SMTNL2: variants seen among roughly 807,000 people sequenced by gnomAD.
The protein encoded by SMTNL2 is smoothelin like 2, also known as smoothelin-like protein 2.
SMTNL2 carries 43 observed loss-of-function variants against 44.1 expected under a neutral mutation model. That is an observed-to-expected ratio of 0.98 (90% CI 0.76 to 1.26). SMTNL2 has a LOEUF of 1.26. Among genes scored for constraint, SMTNL2 ranks in the 50% most tolerant of loss-of-function variants. The pLI is 0.00. For missense variants in SMTNL2, 646 were observed against 670.2 expected, an observed-to-expected ratio of 0.96 and a Z score of 0.40; for synonymous variants, 317 against 287.6, an observed-to-expected ratio of 1.10 and a Z score of -1.03.
rs1217208578 is a variant in SMTNL2 at position 4,598,883 on chromosome 17, G to A, written c.1259+1560G>A. ...TTGGGTTAAAGGAGCCTCACCCCAG[G>A]CCTCACCTGCCTTCCTCATTCCTTT... On this transcript the variant is annotated intron_variant, in intron 7 of 7. Coordinates refer to ENST00000389313, the MANE Select transcript of SMTNL2 (RefSeq NM_001114974.2). The surrounding 1 kb of genome is among the most constrained non-coding windows in gnomAD (Gnocchi z 4.8). Among the ~76,000 whole-genome samples the A allele has an allele frequency of 6.6e-6, 1 of 150,658 alleles. No individual in the cohort carries two copies. The highest frequency in any genetic ancestry group is 6.6e-5 in the Admixed American group (1 of 15,126).
intron 6 of SMTNL2, 64 bp downstream of exon 6, chr17:4,597,041 C>T: frequency 6.7e-7 from 1 of 1,486,886 alleles, no homozygotes; most frequent in Non-Finnish European, 9.0e-7. Context: ...AAGCGTCGCC[C>T]CTGTCCTTGT....
Position 4,591,133 on chromosome 17 carries a change from C to G in SMTNL2, c.400-1228C>G, listed in dbSNP as rs959441370. 4.6e-5 allele frequency among the ~76,000 whole-genome samples: 7 copies of G among 152,218 alleles called. No individual in the cohort carries two copies. In the South Asian group the frequency reaches 1.0e-3, roughly 22 times the overall value. On this transcript the variant is annotated intron_variant, in intron 1 of 7. Coordinates refer to ENST00000389313, the MANE Select transcript of SMTNL2 (RefSeq NM_001114974.2). ...TCAGATGAAGCCTGTGTGAGGCATC[C>G]TTATCCTGACACGGCCCCCTCTGTT... is the stretch of plus-strand genomic sequence containing the variant.
chr17:4,584,730 TG>T lies in SMTNL2; in HGVS notation c.127del (p.Glu43SerfsTer35). 7.7e-7 allele frequency: 1 copy of T among 1,306,200 alleles called. No homozygotes were observed. The highest frequency in any genetic ancestry group is 9.7e-7 in the Non-Finnish European group (1 of 1,031,302). The allele number at this position is 1,306,200 out of a possible 1,614,324, so 80.9% of individuals were successfully genotyped here. On this transcript the variant is annotated frameshift_variant, in exon 1 of 8. Coordinates refer to ENST00000389313, the MANE Select transcript of SMTNL2 (RefSeq NM_001114974.2). LOFTEE classifies it high-confidence loss of function. ...HEDMRGLQRG[V>X]ERRVAEAMRL... ...GACATGCGGGGGCTGCAGCGCGGCG[TG>T]GAGCGGCGAGTGGCAGAGGCGATGC... is the stretch of plus-strand genomic sequence containing the variant.
chr17:4,607,627 C>G lies in SMTNL2; in HGVS notation c.*140C>G. 1.5e-6 allele frequency: 2 copies of G among 1,310,256 alleles called. No individual in the cohort carries two copies. The highest frequency in any genetic ancestry group is 2.1e-6 in the Non-Finnish European group (2 of 961,234). 81.2% of individuals were successfully genotyped at this position (1,310,256 alleles called of 1,614,324 possible). ...TTGTTCTGTGGCATGTGACGGCACT[C>G]CCCTTCGAGCCCAGCTGTGTTACTG... On this transcript the variant is annotated 3_prime_UTR_variant, in exon 8 of 8. Coordinates refer to ENST00000389313, the MANE Select transcript of SMTNL2 (RefSeq NM_001114974.2). The surrounding 1 kb of genome is among the most constrained non-coding windows in gnomAD (Gnocchi z 4.7).
intron 4 of SMTNL2, among the ~76,000 whole-genome samples, chr17:4,594,098 T>C (rs1183283138): frequency 1.3e-5 from 2 of 151,974 alleles, no homozygotes; most frequent in African/African-American, 4.8e-5. Flanking sequence ...GAGAGTTTCA[T>C]TTGGAGAAAT....
chr17:4,604,864 T>G (rs1451183791), intron 7 of SMTNL2, among the ~76,000 whole-genome samples: 1 of 151,392 alleles, frequency 6.6e-6, no homozygotes, highest in Non-Finnish European at 1.5e-5. Flanking sequence ...AGAGACAGGG[T>G]TTCACCATGT....
chr17:4,584,824 G>T lies in SMTNL2; in HGVS notation c.219G>T (p.Gln73His). Residue 73 changes from glutamine to histidine, a missense_variant, in exon 1 of 8, where the codon CAG becomes CAT. Transcript: ENST00000389313. ...GGGACAACCAGCGGCTGCAGGCGCA[G>T]CTCGAGCGCCTGACGCGCCAGGTGG... is the stretch of plus-strand genomic sequence containing the variant. ...LQRDNQRLQA[Q>H]LERLTRQVEA... The T allele has an allele frequency of 7.5e-7, 1 of 1,327,296 alleles. No homozygotes were observed. The allele number at this position is 1,327,296 out of a possible 1,614,324, so 82.2% of individuals were successfully genotyped here. A position where few individuals can be genotyped will look rare whatever the true frequency, so the allele number is the denominator to read the frequency against.
At chr17:4,584,474 C>T, upstream of SMTNL2, 2 of 1,061,352 alleles carry the variant, frequency 1.9e-6, no homozygotes, top group Non-Finnish European at 1.2e-6. Flanking sequence ...CCCGAGGCCC[C>T]GCCCCGCGCC....
intron 4 of SMTNL2, among the ~76,000 whole-genome samples, chr17:4,594,687 T>C (rs1597412920): frequency 6.8e-6 from 1 of 147,956 alleles, no homozygotes; most frequent in Admixed American, 6.8e-5. Context: ...TGATTGGGGA[T>C]GGGGGTAGGG....
intron 1 of SMTNL2, among the ~76,000 whole-genome samples, chr17:4,586,709 G>A (rs1043238341): frequency 6.6e-6 from 1 of 152,166 alleles, no homozygotes; most frequent in Non-Finnish European, 1.5e-5. Flanking sequence ...GGCTGGAGGT[G>A]GGTAACTTGA....
intron 7 of SMTNL2, among the ~76,000 whole-genome samples, chr17:4,602,730 T>C (rs548651640): frequency 2.0e-5 from 3 of 152,290 alleles, no homozygotes; most frequent in East Asian, 3.9e-4. Context: ...GAAGGTCTGC[T>C]GTGAGCTGTG....
Position 4,592,910 on chromosome 17 carries a change from T to G in SMTNL2, c.488-19T>G. ...GCTGCCACAGCTGACCACCCACCCA[T>G]GCTGGTCACATGTTCCAGGTCCAGG... On this transcript the variant is annotated intron_variant, in intron 2 of 7. Coordinates refer to ENST00000389313, the MANE Select transcript of SMTNL2 (RefSeq NM_001114974.2). The surrounding 1 kb of genome is among the most constrained non-coding windows in gnomAD (Gnocchi z 4.5). The G allele has an allele frequency of 6.2e-7, 1 of 1,600,942 alleles. No individual in the cohort carries two copies. Among genetic ancestry groups the G allele is most frequent in the South Asian group, 1.1e-5 (1 of 89,832 alleles).
chr17:4,604,938 C>T (rs981278513), intron 7 of SMTNL2, among the ~76,000 whole-genome samples: 1 of 151,730 alleles, frequency 6.6e-6, no homozygotes, highest in Non-Finnish European at 1.5e-5. Context: ...CCTAAAGTGC[C>T]GGGATTACAG....
Position 4,598,257 on chromosome 17 carries a change from T to C in SMTNL2, c.1259+934T>C, listed in dbSNP as rs1015692612. On this transcript the variant is annotated intron_variant, in intron 7 of 7. Coordinates refer to ENST00000389313, the MANE Select transcript of SMTNL2 (RefSeq NM_001114974.2). This position sits in a 1 kb window ranked among gnomAD's most constrained non-coding sequence, Gnocchi z 4.8. The stretch of plus-strand genomic sequence containing the variant: ...CCTGCCTCACGCCAGGGCCTCATGG[T>C]GACTGAACCCAATCTGAAGACAGAG... Among the ~76,000 whole-genome samples the C allele has an allele frequency of 1.4e-4, 22 of 152,092 alleles. No individual in the cohort carries two copies. The highest frequency in any genetic ancestry group is 5.1e-4 in the African/African-American group (21 of 41,424).
intron 7 of SMTNL2, among the ~76,000 whole-genome samples, chr17:4,605,980 A>G (rs1394147802): frequency 2.2e-4 from 34 of 152,152 alleles, no homozygotes; most frequent in Non-Finnish European, 2.8e-4. Flanking sequence ...CGAGGCCTTC[A>G]GCCTCCCTCT....
In SMTNL2 at chr17:4,595,009, C is replaced by A; in HGVS notation, c.807-136C>A. The stretch of plus-strand genomic sequence containing the variant: ...CTGTCAAACCAGCTAGGGACCGGAG[C>A]AAGGGGGCCTCTTCTCTGAGCGCCC... On this transcript the variant is annotated intron_variant, in intron 4 of 7. Coordinates refer to ENST00000389313, the MANE Select transcript of SMTNL2 (RefSeq NM_001114974.2). The surrounding 1 kb of genome is among the most constrained non-coding windows in gnomAD (Gnocchi z 5.1). 1 of 1,175,992 alleles carries A rather than the reference C, an allele frequency of 8.5e-7. No individual in the cohort carries two copies. The highest frequency in any genetic ancestry group is 1.2e-6 in the Non-Finnish European group (1 of 820,558). The allele number at this position is 1,175,992 out of a possible 1,614,324, so 72.8% of individuals were successfully genotyped here. A position where few individuals can be genotyped will look rare whatever the true frequency, so the allele number is the denominator to read the frequency against.
chr17:4,584,711 C>T lies in SMTNL2; in HGVS notation c.106C>T (p.Arg36Trp). 1 of 1,300,418 alleles carries T rather than the reference C, an allele frequency of 7.7e-7. No individual in the cohort carries two copies. Among genetic ancestry groups the T allele is most frequent in the South Asian group, 2.2e-5 (1 of 44,910 alleles). The allele number at this position is 1,300,418 out of a possible 1,614,324, so 80.6% of individuals were successfully genotyped here. The change falls in exon 1 of 8, where the codon CGG (arginine) becomes TGG (tryptophan). Residue 36 changes from arginine (R) to tryptophan (W), a missense_variant. By Grantham distance (101) the Arg-to-Trp change is moderately radical (BLOSUM62 -3). Transcript: ENST00000389313. ...GAVRALHEDM[R>W]GLQRGVERRV... ...GGTGCGCGCGCTGCACGAGGACATG[C>T]GGGGGCTGCAGCGCGGCGTGGAGCG...
intron 7 of SMTNL2, among the ~76,000 whole-genome samples, chr17:4,603,634 G>A (rs1910133026): frequency 6.6e-6 from 1 of 152,146 alleles, no homozygotes; most frequent in Non-Finnish European, 1.5e-5. Flanking sequence ...TACTTAACAT[G>A]TGGCACCACT....
chr17:4,597,113 T>G, intron 6 of SMTNL2, 59 bp from the exon 7 acceptor site: 1 of 1,580,376 alleles, frequency 6.3e-7, no homozygotes, highest in Non-Finnish European at 8.6e-7. Flanking sequence ...ACGGTAATTA[T>G]GCCTTCCGAG....
Sources: allele counts gnomAD v4.1 joint callset (sites outside exome capture counted in the v4.1 genomes callset), GRCh38; gene constraint gnomAD v4.1.1; non-coding constraint Gnocchi (gnomAD v3.1); transcripts MANE v1.5; gene names NCBI Gene and HGNC (gene_info 2026-07-23, HGNC 2026-07-21).